FRA10AC1: variants seen among roughly 807,000 people sequenced by gnomAD.
FRA10AC1 encodes the protein protein FRA10AC1.
A neutral mutation model predicts 56.5 loss-of-function variants in FRA10AC1; 43 were observed. The observed-to-expected ratio is 0.76, with a 90% CI of 0.60 to 0.98. FRA10AC1 has a LOEUF of 0.98. FRA10AC1 is among the 50% of genes least tolerant of loss of function. The pLI, the probability that FRA10AC1 is intolerant of heterozygous loss-of-function variation, is 0.00. For missense variants in FRA10AC1, 346 were observed against 351.8 expected (o/e 0.98, Z 0.13); for synonymous variants, 112 against 110.5 (o/e 1.01, Z -0.09).
chr10:93,700,195 C>A, intron 1 of FRA10AC1, 89 bp from the exon 2 acceptor site: 4 of 764,790 alleles, frequency 5.2e-6, no homozygotes, highest in Admixed American at 2.4e-5. Context: ...TCTTAAACAG[C>A]CACAATAGTT....
At chr10:93,671,055 C>T in intron 12 of FRA10AC1, 1 of 468,138 alleles carries the variant, frequency 2.1e-6, no homozygotes, top group South Asian at 3.0e-5. Flanking sequence ...AGCAAAAAGG[C>T]CAAGGATTTT....
At chr10:93,698,987 T>C (rs913295273) in intron 2 of FRA10AC1, among the ~76,000 whole-genome samples, 1 of 152,196 alleles carries the variant, frequency 6.6e-6, no homozygotes, top group African/African-American at 2.4e-5. Context: ...AGGCCAACAA[T>C]GTGAACCAAC....
intron 8 of FRA10AC1, among the ~76,000 whole-genome samples, chr10:93,686,027 A>G (rs543925601): frequency 1.3e-5 from 2 of 151,940 alleles, no homozygotes; most frequent in Admixed American, 6.6e-5. Flanking sequence ...AGACTAACTG[A>G]TAACCTGAGA....
intron 13 of FRA10AC1, among the ~76,000 whole-genome samples, chr10:93,670,454 GT>G (rs1264368359): frequency 6.6e-6 from 1 of 152,120 alleles, no homozygotes; most frequent in Non-Finnish European, 1.5e-5. Flanking sequence ...CCTTGCATAG[GT>G]TTATGATAAT....
rs541364481 is a variant in FRA10AC1 at position 93,690,969 on chromosome 10, C to G, written c.465+1040G>C. Reference sequence around the variant, plus strand: ...TACTGAAAAAATTATTAAATCAACCCTGGTTCTAATGAGATCAAATGATTT... The same window carrying G: ...TACTGAAAAAATTATTAAATCAACCGTGGTTCTAATGAGATCAAATGATTT... On this transcript the variant is annotated intron_variant, in intron 7 of 13. Coordinates refer to ENST00000359204, the MANE Select transcript of FRA10AC1 (RefSeq NM_145246.5). Among the ~76,000 whole-genome samples, 3 of 152,242 alleles carry G rather than the reference C, an allele frequency of 2.0e-5. No homozygotes were observed. In the East Asian group the frequency reaches 5.8e-4, roughly 29 times the overall value.
At chr10:93,685,527 T>A in intron 8 of FRA10AC1, 168 bp from the exon 9 acceptor site, 1 of 429,184 alleles carries the variant, frequency 2.3e-6, no homozygotes, top group Non-Finnish European at 4.1e-6. Context: ...AAGTATCAAA[T>A]CAAAGTACTG....
chr10:93,685,670 T>G (rs528515684), intron 8 of FRA10AC1, among the ~76,000 whole-genome samples: 1 of 151,544 alleles, frequency 6.6e-6, no homozygotes, highest in South Asian at 2.1e-4. Context: ...TCTCAGAAAG[T>G]TGGTTTAAGG....
At chr10:93,698,074 C>CA (rs34064733) in intron 4 of FRA10AC1, 62 bp downstream of exon 4, 130,721 of 946,142 alleles carry the variant, frequency 0.14, 10,791 homozygotes, top group Middle Eastern at 0.17. Flanking sequence ...TTTTATAAAA[C>CA]AAAAAAGCAG....
intron 5 of FRA10AC1, among the ~76,000 whole-genome samples, chr10:93,693,670 C>CAACATATATATAT (rs2059178708): frequency 2.8e-5 from 2 of 70,328 alleles, no homozygotes; most frequent in Non-Finnish European, 4.3e-5. Context: ...TATATATATA[C>CAACATATATATAT]ACCATATATA....
At position 93,681,525 on chromosome 10, in the gene FRA10AC1, A is replaced by AT; in HGVS notation, c.741dup (p.Ser248IlefsTer15). 3.2e-6 allele frequency: 5 copies of AT among 1,579,378 alleles called. No homozygotes were observed. The highest frequency in any genetic ancestry group is 3.4e-6 in the Non-Finnish European group (4 of 1,168,238). ...GCCTCTTCTGCAGAAGATAATCTGG[A>AT]TTTTTTATGTGATGACTCTTCACAG... On this transcript the variant is annotated frameshift_variant, in exon 11 of 14. Coordinates refer to ENST00000359204, the MANE Select transcript of FRA10AC1 (RefSeq NM_145246.5). LOFTEE classifies it high-confidence loss of function.
chr10:93,678,842 A>T (rs2058885678), intron 11 of FRA10AC1, among the ~76,000 whole-genome samples: 1 of 117,726 alleles, frequency 8.5e-6, no homozygotes, highest in Non-Finnish European at 2.0e-5. Context: ...ACAGAACAAG[A>T]CCCTGTCTTA....
intron 7 of FRA10AC1, among the ~76,000 whole-genome samples, chr10:93,689,558 T>C (rs1427060257): frequency 1.3e-5 from 2 of 152,204 alleles, no homozygotes; most frequent in African/African-American, 4.8e-5. Flanking sequence ...CATTCATTAA[T>C]CTATTCAACA....
chr10:93,701,085 C>T (rs1403446218), intron 1 of FRA10AC1, among the ~76,000 whole-genome samples: 1 of 152,170 alleles, frequency 6.6e-6, no homozygotes, highest in East Asian at 1.9e-4. Flanking sequence ...ATCCGTCCAC[C>T]TCAGCATCCC....
intron 12 of FRA10AC1, chr10:93,673,581 A>C: frequency 2.8e-6 from 1 of 355,574 alleles, no homozygotes; most frequent in Non-Finnish European, 5.5e-6. Context: ...AAGAAATGGC[A>C]AATGTCTCCA....
At chr10:93,683,581 C>T (rs1318971330) in intron 10 of FRA10AC1, among the ~76,000 whole-genome samples, 6 of 152,208 alleles carry the variant, frequency 3.9e-5, no homozygotes, top group African/African-American at 1.4e-4. Context: ...GAACTTCTGA[C>T]CTCAAGTGAT....
chr10:93,694,582 C>T (rs1271285999), intron 5 of FRA10AC1, among the ~76,000 whole-genome samples: 1 of 151,804 alleles, frequency 6.6e-6, no homozygotes, highest in Non-Finnish European at 1.5e-5. Flanking sequence ...GGCATGGTGG[C>T]AGGAGCCTGT....
intron 12 of FRA10AC1, among the ~76,000 whole-genome samples, chr10:93,676,042 G>T (rs1354154284): frequency 6.6e-6 from 1 of 152,056 alleles, no homozygotes; most frequent in Non-Finnish European, 1.5e-5. Flanking sequence ...TCACTCTTAG[G>T]TTTGGTTGTT....
intron 12 of FRA10AC1, chr10:93,673,806 GTCTCTTTATACCC>G: frequency 2.2e-6 from 1 of 451,086 alleles, no homozygotes; most frequent in South Asian, 1.6e-5. Context: ...AACGAAGTAG[GTCTCTTTATACCC>G]ATTTTATAGA....
intron 7 of FRA10AC1, among the ~76,000 whole-genome samples, chr10:93,688,447 T>C (rs996251072): frequency 6.6e-5 from 10 of 152,154 alleles, no homozygotes; most frequent in African/African-American, 2.4e-4. Context: ...TCATTACACA[T>C]TTGTCAAAGC....
Sources: gnomAD v4.1 joint callset for allele counts (sites outside exome capture counted in the v4.1 genomes callset) on GRCh38, gnomAD v4.1.1 for gene constraint, MANE v1.5 for transcripts, NCBI Gene and HGNC (gene_info 2026-07-23, HGNC 2026-07-21) for gene names.